The following SEMA3A variants were observed in gnomAD, a reference collection of about 807,000 sequenced individuals.
The protein encoded by SEMA3A is semaphorin 3A.
SEMA3A carries 29 observed loss-of-function variants against 97.9 expected under a neutral mutation model. The ratio of observed to expected loss-of-function variants is 0.30; its 90% CI spans 0.22 to 0.40. The LOEUF (loss-of-function observed/expected upper bound fraction) is 0.40. Ranked by LOEUF, SEMA3A falls within the 10% of genes least tolerant of loss-of-function variation. The pLI, the probability that SEMA3A is intolerant of heterozygous loss-of-function variation, is 1.00. For missense variants in SEMA3A, 763 were observed against 951.3 expected (o/e 0.80, Z 2.60); for synonymous variants, 321 against 323.7 (o/e 0.99, Z 0.09).
intron 3 of SEMA3A, among the ~76,000 whole-genome samples, chr7:84,271,107 T>G (rs941231878): frequency 1.3e-5 from 2 of 152,130 alleles, no homozygotes; most frequent in African/African-American, 4.8e-5. Flanking sequence ...CAATATCATC[T>G]TTCTAATCAC....
At chr7:84,395,498 T>C (rs1803704847) in intron 1 of SEMA3A, among the ~76,000 whole-genome samples, 1 of 152,144 alleles carries the variant, frequency 6.6e-6, no homozygotes, top group Non-Finnish European at 1.5e-5. Context: ...TGAGGATTGA[T>C]ATGGTTTGGT....
At chr7:84,471,621 G>T (rs1026331353) in intron 1 of SEMA3A, among the ~76,000 whole-genome samples, 2 of 152,018 alleles carry the variant, frequency 1.3e-5, no homozygotes, top group Non-Finnish European at 2.9e-5. Context: ...TAGAAATTGT[G>T]TTAGCAACCT....
intron 3 of SEMA3A, among the ~76,000 whole-genome samples, chr7:84,284,032 CA>C (rs1410079709): frequency 6.6e-6 from 1 of 152,060 alleles, no homozygotes. Flanking sequence ...AAGTCGCATA[CA>C]AAAGATTTGA....
intron 14 of SEMA3A, 76 bp from the exon 15 acceptor site, chr7:83,977,272 G>C (rs1789188970): frequency 2.8e-6 from 2 of 706,260 alleles, no homozygotes; most frequent in African/African-American, 3.7e-5. Flanking sequence ...AGAATGAAGA[G>C]AAATAAAATA....
rs1168196002 is a variant in SEMA3A at position 84,060,714 on chromosome 7, G to T, written c.454-156C>A. On this transcript the variant is annotated intron_variant, in intron 4 of 16. Transcript: ENST00000265362. The stretch of plus-strand genomic sequence containing the variant: ...TTTTTGAGATGGCAAAATAAATCAA[G>T]TGTATTGAAAATAGGTAATACTAGC... Among the ~76,000 whole-genome samples the T allele has an allele frequency of 2.0e-5, 3 of 152,158 alleles. No individual in the cohort carries two copies. In the South Asian group the frequency reaches 6.2e-4, roughly 32 times the overall value.
intron 1 of SEMA3A, among the ~76,000 whole-genome samples, chr7:84,382,265 C>T (rs965722446): frequency 1.6e-4 from 24 of 151,676 alleles, no homozygotes; most frequent in African/African-American, 5.3e-4. Context: ...CTGCCGCCAC[C>T]GCCAACTAAT....
At chr7:84,351,319 C>A (rs566825940) in intron 2 of SEMA3A, among the ~76,000 whole-genome samples, 1 of 152,044 alleles carries the variant, frequency 6.6e-6, no homozygotes, top group Non-Finnish European at 1.5e-5. Context: ...TCACACCTTG[C>A]GTAAGCCTTT....
At chr7:84,215,616 T>G (rs1268933758) in intron 3 of SEMA3A, among the ~76,000 whole-genome samples, 1 of 148,860 alleles carries the variant, frequency 6.7e-6, no homozygotes, top group African/African-American at 2.6e-5. Flanking sequence ...CCATATTATA[T>G]GCCTTACTTG....
intron 1 of SEMA3A, among the ~76,000 whole-genome samples, chr7:84,406,880 AG>A (rs1313577174): frequency 2.0e-5 from 3 of 152,188 alleles, no homozygotes; most frequent in African/African-American, 7.2e-5. Context: ...CTCAATAAAT[AG>A]GTATTGATGG....
At chr7:84,309,588 C>A (rs545888683) in intron 2 of SEMA3A, among the ~76,000 whole-genome samples, 5 of 152,256 alleles carry the variant, frequency 3.3e-5, no homozygotes, top group African/African-American at 9.6e-5. Flanking sequence ...GTCAGCCTTT[C>A]TCCCTTGACC....
At chr7:84,234,806 T>A (rs894108537) in intron 3 of SEMA3A, among the ~76,000 whole-genome samples, 4 of 152,094 alleles carry the variant, frequency 2.6e-5, no homozygotes, top group African/African-American at 9.6e-5. Context: ...ATTCTGACCT[T>A]CTGCCTGCCG....
intron 1 of SEMA3A, among the ~76,000 whole-genome samples, chr7:84,147,278 T>C (rs1796490556): frequency 6.6e-6 from 1 of 152,182 alleles, no homozygotes; most frequent in Non-Finnish European, 1.5e-5. Flanking sequence ...TTTATTTAAA[T>C]TGTTCTAATG....
chr7:84,278,383 C>G (rs974293797), intron 3 of SEMA3A, among the ~76,000 whole-genome samples: 26 of 152,070 alleles, frequency 1.7e-4, no homozygotes, highest in Non-Finnish European at 2.8e-4. Context: ...TCTTCTGAAC[C>G]CTCTACCCTC....
chr7:84,268,797 AT>A (rs1473108732), intron 3 of SEMA3A, among the ~76,000 whole-genome samples: 2 of 152,150 alleles, frequency 1.3e-5, no homozygotes, highest in African/African-American at 4.8e-5. Context: ...TTTAACAAAT[AT>A]CAAATTACTT....
In SEMA3A at chr7:84,129,107, G is replaced by T. The variant is rs1795883016; in HGVS notation, c.333+16C>A. The stretch of plus-strand genomic sequence containing the variant: ...GATACTCAACCTGTATAATAATTTA[G>T]TAGGTTAATGCTTACCAGGATGTCT... On this transcript the variant is annotated intron_variant, in intron 3 of 16. Transcript: ENST00000265362. 1 of 1,580,760 alleles carries T rather than the reference G, an allele frequency of 6.3e-7. No homozygotes were observed. The highest frequency in any genetic ancestry group is 8.7e-7 in the Non-Finnish European group (1 of 1,149,814).
At chr7:84,206,813 G>A (rs549330624) in intron 3 of SEMA3A, among the ~76,000 whole-genome samples, 203 of 147,916 alleles carry the variant, frequency 1.4e-3, no homozygotes, top group Non-Finnish European at 2.4e-3. Flanking sequence ...TCGTTCAACT[G>A]CATAAATAAG....
At chr7:84,142,101 T>C (rs1056123364) in intron 1 of SEMA3A, among the ~76,000 whole-genome samples, 2 of 152,190 alleles carry the variant, frequency 1.3e-5, no homozygotes, top group Admixed American at 6.5e-5. Context: ...ATCTGTTATA[T>C]GAATTTATTT....
chr7:84,338,720 C>A (rs1187790333), intron 2 of SEMA3A, among the ~76,000 whole-genome samples: 6 of 152,126 alleles, frequency 3.9e-5, no homozygotes, highest in Non-Finnish European at 8.8e-5. Flanking sequence ...AATTCCAGTT[C>A]TATCTTCACA....
At chr7:84,253,174 A>C (rs1470907670) in intron 3 of SEMA3A, among the ~76,000 whole-genome samples, 1 of 152,152 alleles carries the variant, frequency 6.6e-6, no homozygotes, top group African/African-American at 2.4e-5. Context: ...CAAGGAGCCC[A>C]GTCCTGAAGT....
Sources: gnomAD v4.1 joint callset for allele counts (sites outside exome capture counted in the v4.1 genomes callset) on GRCh38, gnomAD v4.1.1 for gene constraint, MANE v1.5 for transcripts, NCBI Gene and HGNC (gene_info 2026-07-23, HGNC 2026-07-21) for gene names.